The following AMZ2 variants were observed in gnomAD, a reference collection of about 807,000 sequenced individuals.
AMZ2 encodes the protein archaemetzincin-2.
Under a neutral mutation model 36.7 loss-of-function variants are expected in AMZ2, and 26 were observed. The observed-to-expected ratio is 0.71, with a 90% CI of 0.52 to 0.98. The LOEUF (loss-of-function observed/expected upper bound fraction) is 0.98. AMZ2 is among the 50% of genes least tolerant of loss of function. AMZ2 has a pLI of 0.00. For missense variants in AMZ2, 394 were observed against 430.5 expected (o/e 0.92, Z 0.75); for synonymous variants, 144 against 149.1 (o/e 0.97, Z 0.25).
At chr17:68,237,488 C>T (rs2073815050) in intron 1 of AMZ2, among the ~76,000 whole-genome samples, 1 of 152,248 alleles carries the variant, frequency 6.6e-6, no homozygotes, top group African/African-American at 2.4e-5. Context: ...TCCTCCTGCA[C>T]CACACTTGCT....
intron 1 of AMZ2, among the ~76,000 whole-genome samples, chr17:68,214,966 T>G (rs1213633803): frequency 1.3e-5 from 2 of 152,178 alleles, no homozygotes; most frequent in Non-Finnish European, 2.9e-5. Flanking sequence ...GCATTTTTTG[T>G]AGAGACAGGG....
chr17:68,209,683 G>T (rs62087070), intron 1 of AMZ2, among the ~76,000 whole-genome samples: 2 of 141,462 alleles, frequency 1.4e-5, no homozygotes, highest in African/African-American at 5.3e-5. Flanking sequence ...GTGCAGTGAC[G>T]TGATTCTGAC....
At chr17:68,210,001 C>G (rs1318292398) in intron 1 of AMZ2, among the ~76,000 whole-genome samples, 1 of 152,066 alleles carries the variant, frequency 6.6e-6, no homozygotes, top group Admixed American at 6.6e-5. Flanking sequence ...TTCACATTCA[C>G]TAGCAGGGCT....
chr17:68,223,982 C>G (rs1379772009), intron 1 of AMZ2, among the ~76,000 whole-genome samples: 1 of 151,898 alleles, frequency 6.6e-6, no homozygotes, highest in African/African-American at 2.4e-5. Flanking sequence ...CTCTGCCTCC[C>G]GGGTTCACGC....
At chr17:68,237,366 A>G (rs2073812449) in intron 1 of AMZ2, among the ~76,000 whole-genome samples, 1 of 152,158 alleles carries the variant, frequency 6.6e-6, no homozygotes, top group South Asian at 2.1e-4. Context: ...CAGCTTTTCT[A>G]TTCTAAGTGT....
intron 1 of AMZ2, among the ~76,000 whole-genome samples, chr17:68,238,868 G>T (rs782442858): frequency 2.0e-5 from 3 of 152,184 alleles, no homozygotes; most frequent in Non-Finnish European, 4.4e-5. Context: ...TGGACTAAAA[G>T]ATTTCTTGCT....
chr17:68,232,515 G>T (rs1555731528), intron 1 of AMZ2, among the ~76,000 whole-genome samples: 1 of 148,208 alleles, frequency 6.7e-6, no homozygotes, highest in Non-Finnish European at 1.5e-5. Flanking sequence ...AAAAAAAAGA[G>T]ATTGATCAAC....
rs565715082 is a variant in AMZ2 at position 68,208,210 on chromosome 17, G to A, written c.-67+1972G>A. On this transcript the variant is annotated intron_variant, in intron 1 of 7. Transcript: ENST00000674770. Reference sequence around the variant, plus strand: ...GCTGAGAAGTGCGGGCACAGGGCGCGGGACTGGCAGGCAGCTCCACCTGCG... The same window carrying A: ...GCTGAGAAGTGCGGGCACAGGGCGCAGGACTGGCAGGCAGCTCCACCTGCG... Among the ~76,000 whole-genome samples, 15 of 152,310 alleles carry A rather than the reference G, an allele frequency of 9.8e-5. No individual in the cohort carries two copies. The South Asian group carries it at 3.1e-3, about 32-fold the overall frequency.
At chr17:68,256,272 T>G (rs1479100383) in intron 6 of AMZ2, among the ~76,000 whole-genome samples, 1 of 152,206 alleles carries the variant, frequency 6.6e-6, no homozygotes, top group Non-Finnish European at 1.5e-5. Flanking sequence ...AAAAAATGAT[T>G]TTCTTTAAAA....
intron 1 of AMZ2, among the ~76,000 whole-genome samples, chr17:68,228,532 G>A (rs1203137441): frequency 6.6e-6 from 1 of 152,134 alleles, no homozygotes; most frequent in Non-Finnish European, 1.5e-5. Context: ...TCCCCTCCTT[G>A]GGAGGCTGCG....
At chr17:68,223,481 G>A (rs1410169384) in intron 1 of AMZ2, among the ~76,000 whole-genome samples, 1 of 152,174 alleles carries the variant, frequency 6.6e-6, no homozygotes, top group African/African-American at 2.4e-5. Flanking sequence ...TCCAGCATAA[G>A]ACATAACTCA....
At chr17:68,246,421 G>A (rs1599385708), upstream of AMZ2, among the ~76,000 whole-genome samples, 1 of 152,054 alleles carries the variant, frequency 6.6e-6, no homozygotes, top group Admixed American at 6.6e-5. Flanking sequence ...TTACAAAAGA[G>A]GTCAAGTAGT....
At chr17:68,233,056 G>A (rs1356274896) in intron 1 of AMZ2, among the ~76,000 whole-genome samples, 12 of 152,250 alleles carry the variant, frequency 7.9e-5, no homozygotes, top group Non-Finnish European at 1.8e-4. Context: ...TGTCAGCATG[G>A]TTGGGTTCTG....
intron 1 of AMZ2, among the ~76,000 whole-genome samples, chr17:68,228,063 G>A (rs35639328): frequency 0.083 from 12,610 of 152,082 alleles, 731 homozygotes; most frequent in Non-Finnish European, 0.12. Context: ...TCCACTGCCC[G>A]TTTGCTGTGG....
At chr17:68,231,717 C>A (rs1297836574) in intron 1 of AMZ2, among the ~76,000 whole-genome samples, 2 of 151,942 alleles carry the variant, frequency 1.3e-5, no homozygotes, top group Non-Finnish European at 1.5e-5. Flanking sequence ...CTTCTTGAAA[C>A]TGTGGATAGG....
intron 1 of AMZ2, among the ~76,000 whole-genome samples, chr17:68,208,939 G>A (rs2072930374): frequency 1.3e-5 from 2 of 152,156 alleles, no homozygotes; most frequent in Admixed American, 1.3e-4. Context: ...CTCCGGACAC[G>A]CCGCCTTTAA....
intron 1 of AMZ2, among the ~76,000 whole-genome samples, chr17:68,209,628 ATATAT>A (rs1294071688): frequency 3.0e-5 from 3 of 98,512 alleles, no homozygotes; most frequent in African/African-American, 5.0e-5. Context: ...ATATATATAT[ATATAT>A]TTTTTTTTTT....
chr17:68,208,680 C>T (rs2072920700), intron 1 of AMZ2, among the ~76,000 whole-genome samples: 1 of 152,188 alleles, frequency 6.6e-6, no homozygotes, highest in Non-Finnish European at 1.5e-5. Flanking sequence ...TTTGCTGCTG[C>T]TCACTCTTTG....
At chr17:68,210,887 T>C (rs552022169) in intron 1 of AMZ2, among the ~76,000 whole-genome samples, 1 of 139,648 alleles carries the variant, frequency 7.2e-6, no homozygotes, top group African/African-American at 2.7e-5. Flanking sequence ...AGGTTGAGGC[T>C]GCACTGAGCT....
Sources: allele counts gnomAD v4.1 joint callset (sites outside exome capture counted in the v4.1 genomes callset), GRCh38; gene constraint gnomAD v4.1.1; transcripts MANE v1.5; gene names NCBI Gene and HGNC (gene_info 2026-07-23, HGNC 2026-07-21).